FHIT: variants seen among roughly 807,000 people sequenced by gnomAD.
The protein encoded by FHIT is bis(5'-adenosyl)-triphosphatase.
A neutral mutation model predicts 17.9 loss-of-function variants in FHIT; 19 were observed. That is an observed-to-expected ratio of 1.06 (90% CI 0.74 to 1.56). FHIT has a LOEUF of 1.56. Ranked by LOEUF, FHIT falls within the 40% of genes most tolerant of loss-of-function variation. The pLI is 0.00. For missense variants in FHIT, 248 were observed against 189.2 expected, an observed-to-expected ratio of 1.31 and a Z score of -1.82; for synonymous variants, 81 against 69.7, an observed-to-expected ratio of 1.16 and a Z score of -0.81.
chr3:60,815,409 T>C (rs1008380151), intron 4 of FHIT, among the ~76,000 whole-genome samples: 8 of 152,200 alleles, frequency 5.3e-5, no homozygotes, highest in African/African-American at 1.9e-4. Context: ...GGAGTTAGCT[T>C]TGTATATGGT....
chr3:61,214,590 T>G (rs923644929), intron 1 of FHIT, among the ~76,000 whole-genome samples: 5 of 152,132 alleles, frequency 3.3e-5, no homozygotes, highest in East Asian at 1.9e-4. Context: ...AAGGAGGAAC[T>G]GGTACCATTC....
intron 5 of FHIT, among the ~76,000 whole-genome samples, chr3:60,495,887 C>A (rs2034281047): frequency 6.6e-6 from 1 of 151,928 alleles, no homozygotes; most frequent in African/African-American, 2.4e-5. Context: ...AGTGGACAGG[C>A]AAGAAACAGA....
intron 5 of FHIT, among the ~76,000 whole-genome samples, chr3:60,388,824 G>A (rs1701114765): frequency 6.6e-6 from 1 of 152,090 alleles, no homozygotes; most frequent in African/African-American, 2.4e-5. Flanking sequence ...ACAACTCCAG[G>A]GCTAGGGACT....
chr3:61,037,983 C>A (rs1262295312), intron 3 of FHIT, among the ~76,000 whole-genome samples: 1 of 152,190 alleles, frequency 6.6e-6, no homozygotes, highest in Non-Finnish European at 1.5e-5. Context: ...CCTAGTCAGT[C>A]AGGGAAAGTT....
At chr3:61,246,523 G>A (rs2365491) in intron 1 of FHIT, among the ~76,000 whole-genome samples, 30,862 of 152,128 alleles carry the variant, frequency 0.2, 5,222 homozygotes, top group African/African-American at 0.47. Flanking sequence ...CTCGGAATAA[G>A]GTCGAAATGC....
chr3:60,472,455 A>C (rs1259249322), intron 5 of FHIT, among the ~76,000 whole-genome samples: 3 of 145,778 alleles, frequency 2.1e-5, no homozygotes, highest in African/African-American at 7.7e-5. Context: ...TGCAAGCTCC[A>C]CTTCCCAGGT....
At chr3:59,968,178 C>A (rs1708015687) in intron 7 of FHIT, among the ~76,000 whole-genome samples, 1 of 152,106 alleles carries the variant, frequency 6.6e-6, no homozygotes. Flanking sequence ...AGAAGGCAAA[C>A]TTTCTTTAGG....
At chr3:60,079,275 G>T (rs1420262001) in intron 5 of FHIT, among the ~76,000 whole-genome samples, 1 of 152,152 alleles carries the variant, frequency 6.6e-6, no homozygotes, top group East Asian at 1.9e-4. Context: ...GTCAGGAGCA[G>T]AAACACAGGC....
At chr3:61,078,833 C>G (rs773218872) in intron 2 of FHIT, among the ~76,000 whole-genome samples, 1 of 152,108 alleles carries the variant, frequency 6.6e-6, no homozygotes, top group Non-Finnish European at 1.5e-5. Flanking sequence ...AAAAGTGATA[C>G]AGCTGTACCC....
intron 3 of FHIT, among the ~76,000 whole-genome samples, chr3:60,996,641 A>G (rs2030696414): frequency 6.6e-6 from 1 of 152,240 alleles, no homozygotes; most frequent in Admixed American, 6.5e-5. Flanking sequence ...CCACGACCAC[A>G]TACTCACATA....
At chr3:59,911,039 C>A (rs1414591317) in intron 8 of FHIT, among the ~76,000 whole-genome samples, 9 of 152,164 alleles carry the variant, frequency 5.9e-5, no homozygotes, top group African/African-American at 2.2e-4. Context: ...TAACTTTTCT[C>A]TCTCCAGTTT....
intron 5 of FHIT, among the ~76,000 whole-genome samples, chr3:60,130,869 A>G (rs1349700624): frequency 7.1e-6 from 1 of 139,964 alleles, no homozygotes; most frequent in African/African-American, 2.7e-5. Context: ...ATGTATATAG[A>G]CACGTATACA....
At chr3:60,227,972 T>G (rs1196146059) in intron 5 of FHIT, among the ~76,000 whole-genome samples, 2 of 152,202 alleles carry the variant, frequency 1.3e-5, no homozygotes, top group African/African-American at 4.8e-5. Flanking sequence ...GAGCTGGAGA[T>G]AGTTGCAAGA....
chr3:60,388,589 C>A (rs573208152), intron 5 of FHIT, among the ~76,000 whole-genome samples: 78 of 152,132 alleles, frequency 5.1e-4, no homozygotes, highest in African/African-American at 1.8e-3. Context: ...TGATAGAGAC[C>A]CAATCTCCAA....
chr3:59,787,345 C>T (rs1156969641), intron 8 of FHIT, among the ~76,000 whole-genome samples: 10 of 152,070 alleles, frequency 6.6e-5, no homozygotes, highest in Admixed American at 5.2e-4. Context: ...TTATCTGTGG[C>T]CTTTAAGCAT....
chr3:60,546,934 A>C (rs759997256), intron 4 of FHIT, among the ~76,000 whole-genome samples: 3 of 152,120 alleles, frequency 2.0e-5, no homozygotes, highest in Non-Finnish European at 4.4e-5. Flanking sequence ...AATCCTCCCC[A>C]TATATGCTGC....
At chr3:60,609,349 T>C (rs1488029551) in intron 4 of FHIT, among the ~76,000 whole-genome samples, 1 of 151,868 alleles carries the variant, frequency 6.6e-6, no homozygotes, top group African/African-American at 2.4e-5. Context: ...TTTTTGAGAC[T>C]GAGTCTAGCT....
At chr3:60,295,854 G>T (rs1159942739) in intron 5 of FHIT, among the ~76,000 whole-genome samples, 3 of 152,128 alleles carry the variant, frequency 2.0e-5, no homozygotes, top group Non-Finnish European at 4.4e-5. Context: ...GAAGGAGGGT[G>T]ATATGGTTTG....
intron 4 of FHIT, among the ~76,000 whole-genome samples, chr3:60,653,889 T>C (rs1553688932): frequency 2.0e-5 from 3 of 152,228 alleles, no homozygotes; most frequent in Non-Finnish European, 2.9e-5. Context: ...TATTTGTTCC[T>C]GCCCAAATCT....
Sources: gnomAD v4.1 joint callset for allele counts (sites outside exome capture counted in the v4.1 genomes callset) on GRCh38, gnomAD v4.1.1 for gene constraint, MANE v1.5 for transcripts, NCBI Gene and HGNC (gene_info 2026-07-23, HGNC 2026-07-21) for gene names.